AUTS2: variants seen among roughly 807,000 people sequenced by gnomAD.
The protein encoded by AUTS2 is activator of transcription and developmental regulator AUTS2.
A neutral mutation model predicts 112.4 loss-of-function variants in AUTS2; 17 were observed. That is an observed-to-expected ratio of 0.15 (90% CI 0.10 to 0.23). The LOEUF is 0.23. Among genes scored for constraint, AUTS2 ranks in the 10% least tolerant of loss-of-function variants. AUTS2 has a pLI of 1.00. For missense variants in AUTS2, 1,510 were observed against 1,701.6 expected (o/e 0.89, Z 1.98); for synonymous variants, 751 against 702.7 (o/e 1.07, Z -1.09).
chr7:70,527,465 G>T (rs1799887577), intron 5 of AUTS2, among the ~76,000 whole-genome samples: 1 of 151,958 alleles, frequency 6.6e-6, no homozygotes, highest in Non-Finnish European at 1.5e-5. Flanking sequence ...GATCAGCCTG[G>T]TGTTTATGTG....
At chr7:70,760,637 G>C (rs1789511991) in intron 6 of AUTS2, among the ~76,000 whole-genome samples, 1 of 152,252 alleles carries the variant, frequency 6.6e-6, no homozygotes, top group Non-Finnish European at 1.5e-5. Flanking sequence ...TGACATCTCT[G>C]AATAAAGGGC....
At chr7:70,156,959 C>T (rs1299356817) in intron 4 of AUTS2, among the ~76,000 whole-genome samples, 4 of 139,860 alleles carry the variant, frequency 2.9e-5, no homozygotes, top group Non-Finnish European at 4.5e-5. Context: ...CACCTGTAGT[C>T]CCAGCTACTT....
At chr7:70,290,218 G>T in intron 4 of AUTS2, 1 of 799,544 alleles carries the variant, frequency 1.3e-6, no homozygotes, top group African/African-American at 1.8e-5. Flanking sequence ...ATGATCATAA[G>T]CTTATGTTTT....
intron 2 of AUTS2, among the ~76,000 whole-genome samples, chr7:70,028,069 C>G (rs1584602120): frequency 6.6e-6 from 1 of 151,728 alleles, no homozygotes; most frequent in Admixed American, 6.6e-5. Flanking sequence ...TGTCCGCCCC[C>G]CCCACCCTCA....
intron 1 of AUTS2, among the ~76,000 whole-genome samples, chr7:69,658,248 CAGA>C (rs1795633322): frequency 6.6e-6 from 1 of 152,218 alleles, no homozygotes; most frequent in African/African-American, 2.4e-5. Flanking sequence ...TGGCACTTCA[CAGA>C]AGTAGTTTGT....
At chr7:70,116,062 G>A (rs1466805075) in intron 2 of AUTS2, among the ~76,000 whole-genome samples, 2 of 152,134 alleles carry the variant, frequency 1.3e-5, no homozygotes, top group African/African-American at 2.4e-5. Flanking sequence ...GTGAAAAATC[G>A]AAGAGAATGA....
chr7:70,180,614 C>T (rs1230425831), intron 4 of AUTS2, among the ~76,000 whole-genome samples: 2 of 152,096 alleles, frequency 1.3e-5, no homozygotes, highest in East Asian at 3.9e-4. Flanking sequence ...TGGTCCCTCC[C>T]TCCTCATCTC....
chr7:70,448,725 G>T (rs1796415673), intron 5 of AUTS2, among the ~76,000 whole-genome samples: 1 of 152,186 alleles, frequency 6.6e-6, no homozygotes, highest in Admixed American at 6.5e-5. Flanking sequence ...AGTTACACTT[G>T]CACCCTCACC....
intron 1 of AUTS2, among the ~76,000 whole-genome samples, chr7:69,705,751 A>G (rs1798039781): frequency 6.6e-6 from 1 of 152,126 alleles, no homozygotes; most frequent in Non-Finnish European, 1.5e-5. Context: ...ATAGAAATGT[A>G]TTTTCTCTCA....
chr7:70,350,527 A>T (rs1791700603), intron 4 of AUTS2, among the ~76,000 whole-genome samples: 1 of 152,110 alleles, frequency 6.6e-6, no homozygotes. Flanking sequence ...AGAGTTTATA[A>T]AACCATCAGC....
chr7:70,210,377 A>G (rs917545061), intron 4 of AUTS2, among the ~76,000 whole-genome samples: 3 of 152,264 alleles, frequency 2.0e-5, no homozygotes, highest in African/African-American at 7.2e-5. Flanking sequence ...AGTTGAAATC[A>G]GATTTGTGCA....
At chr7:70,640,960 G>A (rs1193830278) in intron 5 of AUTS2, among the ~76,000 whole-genome samples, 1 of 152,108 alleles carries the variant, frequency 6.6e-6, no homozygotes, top group African/African-American at 2.4e-5. Context: ...GGCAGCCAGT[G>A]TGGCCACATC....
At chr7:70,515,235 A>G (rs1563008652) in intron 5 of AUTS2, among the ~76,000 whole-genome samples, 1 of 152,178 alleles carries the variant, frequency 6.6e-6, no homozygotes, top group African/African-American at 2.4e-5. Context: ...ATAGAAAGAA[A>G]AGGAAAGCAG....
At position 69,817,021 on chromosome 7, in the gene AUTS2, C is replaced by T. The variant is rs543629647; in HGVS notation, c.310-82265C>T. Reference sequence around the variant, plus strand: ...AGCAAAATGAAGATAGTAATAGTACCTATCTAGGAAGGCTGTTGTGGAGTC... The same window carrying T: ...AGCAAAATGAAGATAGTAATAGTACTTATCTAGGAAGGCTGTTGTGGAGTC... On this transcript the variant is annotated intron_variant, in intron 1 of 18. Coordinates refer to ENST00000342771, the MANE Select transcript of AUTS2 (RefSeq NM_015570.4). 2.6e-5 allele frequency among the ~76,000 whole-genome samples: 4 copies of T among 152,228 alleles called. 1 individual carries two copies. In the South Asian group the frequency reaches 6.2e-4, roughly 24 times the overall value.
At chr7:70,026,210 C>T (rs1250666294) in intron 2 of AUTS2, among the ~76,000 whole-genome samples, 2 of 152,210 alleles carry the variant, frequency 1.3e-5, no homozygotes, top group Non-Finnish European at 2.9e-5. Flanking sequence ...TCCTTAGTTT[C>T]ACTGAGGATC....
intron 6 of AUTS2, among the ~76,000 whole-genome samples, chr7:70,728,202 T>G (rs531262853): frequency 3.9e-5 from 6 of 152,332 alleles, no homozygotes; most frequent in African/African-American, 1.4e-4. Flanking sequence ...GATGCTGTCC[T>G]GATCTGTGGA....
At chr7:69,601,138 A>T (rs1368326861) in intron 1 of AUTS2, among the ~76,000 whole-genome samples, 1 of 149,194 alleles carries the variant, frequency 6.7e-6, no homozygotes, top group South Asian at 2.1e-4. Context: ...CCCACCCCCC[A>T]CACACCATGC....
rs567813422 is a variant in AUTS2, at chr7:69,813,507, A to C, written c.310-85779A>C. On this transcript the variant is annotated intron_variant, in intron 1 of 18. Coordinates refer to ENST00000342771, the MANE Select transcript of AUTS2 (RefSeq NM_015570.4). ...TGGCTGATGTTGGGAAAATTATTTA[A>C]CCTTTCTAAGCCTAGGTTTCTCTAC... 3.9e-5 allele frequency among the ~76,000 whole-genome samples: 6 copies of C among 152,158 alleles called. No homozygotes were observed. In the South Asian group the frequency reaches 6.2e-4, roughly 16 times the overall value.
rs1391947300 is a variant in AUTS2 at position 70,117,107 on chromosome 7, TTTTTTTTTTG to T, written c.523-995_523-986del. On this transcript the variant is annotated intron_variant, in intron 2 of 18. Coordinates refer to ENST00000342771, the MANE Select transcript of AUTS2 (RefSeq NM_015570.4). Reference sequence around the variant, plus strand: ...TAAACTTCATGAGATGACTTTTGTTTTTTTTTTTTGTTTTTTTTTGTTTTTTTTTGTTTTT... The same window carrying T: ...TAAACTTCATGAGATGACTTTTGTTTTTTTTTTTTGTTTTTTTTTGTTTTT... Among the ~76,000 whole-genome samples the T allele has an allele frequency of 1.1e-3, 114 of 108,056 alleles. 1 individual carries two copies. In the Middle Eastern group the frequency reaches 0.015, roughly 14 times the overall value. The allele number at this position is 108,056 out of a possible 152,430, so 70.9% of individuals were successfully genotyped here. A position where few individuals can be genotyped will look rare whatever the true frequency, so the allele number is the denominator to read the frequency against.
Sources: gnomAD v4.1 joint callset for allele counts (sites outside exome capture counted in the v4.1 genomes callset) on GRCh38, gnomAD v4.1.1 for gene constraint, MANE v1.5 for transcripts, NCBI Gene and HGNC (gene_info 2026-07-23, HGNC 2026-07-21) for gene names.